CLCC1: variants seen among roughly 807,000 people sequenced by gnomAD.
CLCC1 encodes the protein chloride channel CLIC like 1.
In CLCC1, 39 loss-of-function variants were observed where a neutral mutation model predicts 63.3. The ratio of observed to expected loss-of-function variants is 0.62; its 90% CI spans 0.48 to 0.81. The LOEUF is 0.81. CLCC1 is among the 30% of genes least tolerant of loss of function. The probability of loss-of-function intolerance (pLI) is 0.00; values close to 1 mark genes in which losing one functional copy is unlikely to be tolerated. For synonymous variants in CLCC1, 217 were observed against 239.8 expected, an observed-to-expected ratio of 0.90 and a Z score of 0.88; for missense variants, 549 against 669.4, an observed-to-expected ratio of 0.82 and a Z score of 1.98.
intron 11 of CLCC1, among the ~76,000 whole-genome samples, chr1:108,936,772 A>C (rs889671639): frequency 2.6e-5 from 4 of 152,186 alleles, no homozygotes; most frequent in African/African-American, 9.6e-5. Context: ...CTTCTCTCTG[A>C]TCTCTTCAAA....
rs914730389 is a variant in CLCC1, at chr1:108,944,661, A to G, written c.340-604T>C. ...TTTTTTTTTTTTTAGATGGAGTCTC[A>G]CTCTGTCGCCCAGGCTGGAGTGCAG... On this transcript the variant is annotated intron_variant, in intron 5 of 12. Transcript: ENST00000369969. Among the ~76,000 whole-genome samples the G allele has an allele frequency of 6.3e-4, 94 of 149,080 alleles. 1 individual carries two copies. The highest frequency in any genetic ancestry group is 1.2e-3 in the African/African-American group (49 of 40,346).
At chr1:108,936,156 G>A (rs918764682) in intron 11 of CLCC1, among the ~76,000 whole-genome samples, 11 of 132,960 alleles carry the variant, frequency 8.3e-5, no homozygotes, top group Non-Finnish European at 1.1e-4. Context: ...GCAATGGCAC[G>A]ATCTCGGCTC....
chr1:108,936,988 G>C, intron 11 of CLCC1, 89 bp downstream of exon 11: 1 of 898,818 alleles, frequency 1.1e-6, no homozygotes, highest in African/African-American at 1.7e-5. Flanking sequence ...AAGGGTGAGG[G>C]GTAAAAGAGT....
At chr1:108,941,732 C>T (rs567961844) in intron 7 of CLCC1, among the ~76,000 whole-genome samples, 2 of 152,166 alleles carry the variant, frequency 1.3e-5, no homozygotes, top group South Asian at 2.1e-4. Context: ...CGGCTCACTG[C>T]AACCACCACC....
intron 2 of CLCC1, among the ~76,000 whole-genome samples, chr1:108,961,326 AG>A (rs892072270): frequency 6.6e-6 from 1 of 150,386 alleles, no homozygotes. Flanking sequence ...AATCTGAGGT[AG>A]GTCTGAGATC....
chr1:108,943,483 A>G lies in CLCC1; in HGVS notation c.694T>C (p.Leu232=). The part of the protein sequence containing the change: ...LFSLGWNWMY[L]YKLAFAQHQA... ...CTCCATCCATATAATACCTTATATA[A>G]ATACATCCAATTCCATCCCAAACTG... is the stretch of plus-strand genomic sequence containing the variant. The change falls in exon 7 of 13, where the codon TTA becomes CTA. Residue 232 remains leucine (L), a synonymous_variant. Transcript: ENST00000369969. 1.9e-6 allele frequency: 3 copies of G among 1,613,704 alleles called. No individual in the cohort carries two copies. Among genetic ancestry groups the G allele is most frequent in the Non-Finnish European group, 2.5e-6 (3 of 1,179,774 alleles).
intron 2 of CLCC1, among the ~76,000 whole-genome samples, chr1:108,952,167 C>T (rs1655263984): frequency 9.3e-6 from 1 of 107,762 alleles, no homozygotes; most frequent in Non-Finnish European, 1.9e-5. Context: ...AACGAATCTC[C>T]CCCCTATTTT....
rs1360181859 is a variant in CLCC1 at position 108,931,721 on chromosome 1, C to T, written c.*826G>A. On this transcript the variant is annotated 3_prime_UTR_variant, in exon 13 of 13. Coordinates refer to ENST00000369969, the MANE Select transcript of CLCC1 (RefSeq NM_001377458.1). Reference sequence around the variant, plus strand: ...GATGTCCTGGATAGCATTTTAAAAACTCAGGTAAGTTTCATGGGGTTCTTA... The same window carrying T: ...GATGTCCTGGATAGCATTTTAAAAATTCAGGTAAGTTTCATGGGGTTCTTA... 2 of 408,828 alleles carry T rather than the reference C, an allele frequency of 4.9e-6. No homozygotes were observed. The highest frequency in any genetic ancestry group is 4.2e-5 in the African/African-American group (2 of 47,738). 25.3% of individuals were successfully genotyped at this position (408,828 alleles called of 1,614,324 possible).
intron 10 of CLCC1, among the ~76,000 whole-genome samples, chr1:108,938,511 T>C (rs1653345267): frequency 1.3e-5 from 2 of 152,264 alleles, no homozygotes; most frequent in Admixed American, 6.5e-5. Flanking sequence ...CTTGTATCCT[T>C]AGGGAAGAGA....
chr1:108,936,085 G>GTT (rs530980387), intron 11 of CLCC1, among the ~76,000 whole-genome samples: 1,526 of 88,040 alleles, frequency 0.017, 1 homozygote, highest in East Asian at 0.03. Flanking sequence ...ATCTTAAGTT[G>GTT]TTTTTTTTTT....
At chr1:108,949,979 T>C in intron 3 of CLCC1, 58 bp from the exon 4 acceptor site, 1 of 1,061,776 alleles carries the variant, frequency 9.4e-7, no homozygotes, top group Non-Finnish European at 1.4e-6. Flanking sequence ...AAAATAGCCT[T>C]TGGTTAATGA....
rs779516855 is a variant in CLCC1 at position 108,937,381 on chromosome 1, A to C, written c.1079T>G (p.Leu360Arg). The change falls in exon 11 of 13, where the codon CTG becomes CGG. Residue 360 changes from leucine (L) to arginine (R), a missense_variant. Coordinates refer to ENST00000369969, the MANE Select transcript of CLCC1 (RefSeq NM_001377458.1). ...GCTCTCAGGACCGCCTATATGTCTC[A>C]GCACATGAACTGATTTTCCAGCACC... is the stretch of plus-strand genomic sequence containing the variant. Reference protein sequence around the residue: ...CYGAGKSVHVLRHIGGPESEP... With the variant: ...CYGAGKSVHVRRHIGGPESEP... 6.2e-6 allele frequency: 10 copies of C among 1,612,766 alleles called. 1 individual carries two copies. In the South Asian group the frequency reaches 9.9e-5, roughly 16 times the overall value.
Position 108,943,729 on chromosome 1 carries a change from C to T in CLCC1, c.561+107G>A, listed in dbSNP as rs190871509. The T allele has an allele frequency of 1.9e-3, 2,758 of 1,445,370 alleles. 5 individuals carry two copies. Among genetic ancestry groups the T allele is most frequent in the Non-Finnish European group, 2.4e-3 (2,461 of 1,042,112 alleles). 89.5% of individuals were successfully genotyped at this position (1,445,370 alleles called of 1,614,324 possible). A position where few individuals can be genotyped will look rare whatever the true frequency, so the allele number is the denominator to read the frequency against. On this transcript the variant is annotated intron_variant, in intron 6 of 12. Coordinates refer to ENST00000369969, the MANE Select transcript of CLCC1 (RefSeq NM_001377458.1). ...CAATTTTGTGGCTTGTTCATCAATA[C>T]GGTATAAGTGACCTAGTACAGGTTC...
chr1:108,931,248 A>G lies in CLCC1; in HGVS notation c.*1299T>C, dbSNP rs1651901159. Reference sequence around the variant, plus strand: ...AAACAGATGAAAACTCACAAAAATTAAATATGAAAGAAAGATGTCAGCTAG... The same window carrying G: ...AAACAGATGAAAACTCACAAAAATTGAATATGAAAGAAAGATGTCAGCTAG... On this transcript the variant is annotated 3_prime_UTR_variant, in exon 13 of 13. Transcript: ENST00000369969. 1 of 1,425,564 alleles carries G rather than the reference A, an allele frequency of 7.0e-7. No homozygotes were observed. The highest frequency in any genetic ancestry group is 9.3e-7 in the Non-Finnish European group (1 of 1,076,952). The allele number at this position is 1,425,564 out of a possible 1,614,324, so 88.3% of individuals were successfully genotyped here.
chr1:108,951,431 C>G (rs1250206680), intron 2 of CLCC1, among the ~76,000 whole-genome samples: 2 of 152,124 alleles, frequency 1.3e-5, no homozygotes, highest in Admixed American at 6.6e-5. Flanking sequence ...ATAAATAAAA[C>G]TGGTATAGCC....
At chr1:108,937,896 AGTAG>A (rs1653253176) in intron 10 of CLCC1, among the ~76,000 whole-genome samples, 1 of 152,214 alleles carries the variant, frequency 6.6e-6, no homozygotes, top group African/African-American at 2.4e-5. Flanking sequence ...CATGGGAAAA[AGTAG>A]GCAGCAGTTC....
intron 8 of CLCC1, among the ~76,000 whole-genome samples, chr1:108,940,968 A>T (rs1653759807): frequency 6.6e-6 from 1 of 152,204 alleles, no homozygotes; most frequent in Admixed American, 6.5e-5. Flanking sequence ...TAAAAAAACT[A>T]ATTTTTCCCG....
chr1:108,943,778 G>A (rs1654162413), intron 6 of CLCC1, 58 bp downstream of exon 6: 2 of 1,480,468 alleles, frequency 1.4e-6, no homozygotes, highest in Non-Finnish European at 1.9e-6. Context: ...GGTGGAGTTT[G>A]GAAAGTATTT....
rs760884698 is a variant in CLCC1, at chr1:108,937,098, C to T, written c.1362G>A (p.Glu454=). 20 of 1,512,092 alleles carry T rather than the reference C, an allele frequency of 1.3e-5. No homozygotes were observed. The South Asian group carries it at 1.9e-4, about 14-fold the overall frequency. The allele number at this position is 1,512,092 out of a possible 1,614,324, so 93.7% of individuals were successfully genotyped here. A position where few individuals can be genotyped will look rare whatever the true frequency, so the allele number is the denominator to read the frequency against. ...AFDVPDAEAR[E]HPTVVPSHKS... ...TTACACTGGGTACCACCGTGGGATGCTCTCGTGCCTCTGCGTCTGGTACAT... is the reference window on the plus strand; with the variant it reads ...TTACACTGGGTACCACCGTGGGATGTTCTCGTGCCTCTGCGTCTGGTACAT... Residue 454 remains glutamate, a synonymous_variant, in exon 11 of 13, where the codon GAG becomes GAA. Transcript: ENST00000369969.
Sources: allele counts gnomAD v4.1 joint callset (sites outside exome capture counted in the v4.1 genomes callset), GRCh38; gene constraint gnomAD v4.1.1; transcripts MANE v1.5; gene names NCBI Gene and HGNC (gene_info 2026-07-23, HGNC 2026-07-21).